SEMA5A: variants seen among roughly 807,000 people sequenced by gnomAD.
The protein encoded by SEMA5A is semaphorin-5A.
Under a neutral mutation model 135.5 loss-of-function variants are expected in SEMA5A, and 55 were observed. The ratio of observed to expected loss-of-function variants is 0.41; its 90% CI spans 0.33 to 0.51. The LOEUF is 0.51. Among genes scored for constraint, SEMA5A ranks in the 20% least tolerant of loss-of-function variants. The pLI is 0.37. For missense variants in SEMA5A, 1,290 were observed against 1,419.9 expected, an observed-to-expected ratio of 0.91 and a Z score of 1.47; for synonymous variants, 580 against 546.5, an observed-to-expected ratio of 1.06 and a Z score of -0.85.
intron 5 of SEMA5A, among the ~76,000 whole-genome samples, chr5:9,249,580 T>C (rs1221226300): frequency 6.6e-6 from 1 of 152,172 alleles, no homozygotes; most frequent in Non-Finnish European, 1.5e-5. Flanking sequence ...AGGGCCCAGC[T>C]GAGAATTTAG....
intron 1 of SEMA5A, among the ~76,000 whole-genome samples, chr5:9,505,373 A>G (rs1735820843): frequency 6.6e-6 from 1 of 152,330 alleles, no homozygotes; most frequent in African/African-American, 2.4e-5. Flanking sequence ...TCACATGCCT[A>G]TGACTCAAAC....
intron 6 of SEMA5A, among the ~76,000 whole-genome samples, chr5:9,234,727 T>G (rs1041189804): frequency 6.6e-6 from 1 of 152,218 alleles, no homozygotes; most frequent in Admixed American, 6.5e-5. Context: ...GCGGTTTGAG[T>G]CAATTAATAA....
chr5:9,294,888 C>A (rs1751255796), intron 5 of SEMA5A, among the ~76,000 whole-genome samples: 2 of 152,162 alleles, frequency 1.3e-5, no homozygotes, highest in Admixed American at 6.5e-5. Flanking sequence ...TCTTCCACCA[C>A]CAGAATTCTC....
chr5:9,203,439 T>C (rs944873718), intron 8 of SEMA5A, among the ~76,000 whole-genome samples: 4 of 152,162 alleles, frequency 2.6e-5, no homozygotes, highest in Non-Finnish European at 5.9e-5. Flanking sequence ...ACTAAAAATA[T>C]GTGTGGCTGC....
chr5:9,176,159 A>C (rs40717), intron 11 of SEMA5A, among the ~76,000 whole-genome samples: 128,889 of 152,156 alleles, frequency 0.85, 54,792 homozygotes, highest in African/African-American at 0.89. Context: ...CTGACTTAAT[A>C]AAGTGAAAAA....
chr5:9,498,165 T>G (rs867374734), intron 1 of SEMA5A, among the ~76,000 whole-genome samples: 1 of 152,202 alleles, frequency 6.6e-6, no homozygotes, highest in Non-Finnish European at 1.5e-5. Flanking sequence ...ACCTGGAGCT[T>G]ACCTTTGATA....
At chr5:9,484,206 C>A (rs1375106596) in intron 1 of SEMA5A, among the ~76,000 whole-genome samples, 3 of 152,190 alleles carry the variant, frequency 2.0e-5, no homozygotes, top group African/African-American at 7.2e-5. Context: ...AGGATTAGGG[C>A]AAAGTACGTG....
chr5:9,037,026 A>G lies in SEMA5A; in HGVS notation c.*5871T>C, dbSNP rs148006277. 1 of 152,324 alleles carries G rather than the reference A, an allele frequency of 6.6e-6. No homozygotes were observed. The highest frequency in any genetic ancestry group is 1.9e-4 in the East Asian group (1 of 5,180). The allele number at this position is 152,324 out of a possible 1,614,324, so 9.4% of individuals were successfully genotyped here. On this transcript the variant is annotated 3_prime_UTR_variant, in exon 23 of 23. Coordinates refer to ENST00000382496, the MANE Select transcript of SEMA5A (RefSeq NM_003966.3). ...CTAACATTTGGAATATTTGGCATTA[A>G]ATTGCCAAAAGGCTGAGAAAGAACA...
intron 16 of SEMA5A, among the ~76,000 whole-genome samples, chr5:9,074,865 C>A (rs537941779): frequency 2.0e-5 from 3 of 152,212 alleles, no homozygotes; most frequent in East Asian, 1.9e-4. Context: ...GAGGAGGACA[C>A]AATGCTTTAG....
chr5:9,530,202 C>T (rs896266772), intron 1 of SEMA5A, among the ~76,000 whole-genome samples: 1 of 152,160 alleles, frequency 6.6e-6, no homozygotes, highest in Non-Finnish European at 1.5e-5. Flanking sequence ...CAACTGTTTG[C>T]TGTGTTGAGT....
At chr5:9,359,167 G>A (rs911749959) in intron 3 of SEMA5A, among the ~76,000 whole-genome samples, 2 of 152,154 alleles carry the variant, frequency 1.3e-5, no homozygotes, top group African/African-American at 4.8e-5. Context: ...CCAGCTAGAG[G>A]CTGCAGAATA....
intron 1 of SEMA5A, among the ~76,000 whole-genome samples, chr5:9,532,480 GT>G (rs1411537575): frequency 1.4e-5 from 2 of 141,660 alleles, no homozygotes; most frequent in African/African-American, 5.4e-5. Flanking sequence ...TAGAGACGGG[GT>G]TTTGCCATGT....
chr5:9,099,270 A>G (rs1291329574), intron 16 of SEMA5A, among the ~76,000 whole-genome samples: 1 of 152,168 alleles, frequency 6.6e-6, no homozygotes, highest in Non-Finnish European at 1.5e-5. Context: ...GTGTACTGAT[A>G]TTAACTTTCT....
intron 3 of SEMA5A, among the ~76,000 whole-genome samples, chr5:9,361,349 A>G (rs1179046249): frequency 6.6e-6 from 1 of 152,010 alleles, no homozygotes; most frequent in Non-Finnish European, 1.5e-5. Flanking sequence ...ACTCAATTCT[A>G]TGCAGCATCA....
At chr5:9,228,571 C>T (rs1747449382) in intron 6 of SEMA5A, among the ~76,000 whole-genome samples, 2 of 152,202 alleles carry the variant, frequency 1.3e-5, no homozygotes, top group South Asian at 4.1e-4. Flanking sequence ...CATGTTTTAT[C>T]ACTGAAGAAG....
At chr5:9,161,130 A>C (rs900268778) in intron 11 of SEMA5A, among the ~76,000 whole-genome samples, 3 of 90,822 alleles carry the variant, frequency 3.3e-5, no homozygotes, top group Non-Finnish European at 9.2e-5. Flanking sequence ...TTTAGTGGGG[A>C]ATTTTTTTTT....
intron 11 of SEMA5A, among the ~76,000 whole-genome samples, chr5:9,188,016 A>G (rs1744900060): frequency 6.6e-6 from 1 of 152,198 alleles, no homozygotes; most frequent in South Asian, 2.1e-4. Context: ...CTATGGACTG[A>G]ATGTTTGTGT....
intron 3 of SEMA5A, among the ~76,000 whole-genome samples, chr5:9,357,961 C>T (rs1398339202): frequency 2.6e-5 from 4 of 152,196 alleles, no homozygotes; most frequent in Non-Finnish European, 5.9e-5. Flanking sequence ...TTTTCCAGTG[C>T]TGAAATTCAA....
At chr5:9,216,245 A>C (rs1033001813) in intron 8 of SEMA5A, among the ~76,000 whole-genome samples, 1 of 152,178 alleles carries the variant, frequency 6.6e-6, no homozygotes. Flanking sequence ...TGTTTACACA[A>C]AAGTCACCCA....
Sources: gnomAD v4.1 joint callset for allele counts (sites outside exome capture counted in the v4.1 genomes callset) on GRCh38, gnomAD v4.1.1 for gene constraint, MANE v1.5 for transcripts, NCBI Gene and HGNC (gene_info 2026-07-23, HGNC 2026-07-21) for gene names.